VSTM1: variants seen among roughly 807,000 people sequenced by gnomAD.
The protein encoded by VSTM1 is V-set and transmembrane domain containing 1, also known as V-set and transmembrane domain-containing protein 1.
A neutral mutation model predicts 33.1 loss-of-function variants in VSTM1; 27 were observed. The ratio of observed to expected loss-of-function variants is 0.82; its 90% CI spans 0.60 to 1.12. The LOEUF (loss-of-function observed/expected upper bound fraction) is 1.12. Among genes scored for constraint, VSTM1 ranks in the 50% most tolerant of loss-of-function variants. The pLI is 0.00. For missense variants in VSTM1, 304 were observed against 288.9 expected (o/e 1.05, Z -0.38); for synonymous variants, 115 against 110.3 (o/e 1.04, Z -0.27).
At chr19:54,062,851 AC>A (rs2071463098) in intron 1 of VSTM1, among the ~76,000 whole-genome samples, 1 of 151,578 alleles carries the variant, frequency 6.6e-6, no homozygotes, top group African/African-American at 2.4e-5. Flanking sequence ...TGTCCACCGC[AC>A]CCCCCGTGCA....
chr19:54,059,852 T>G (rs1380766651), intron 1 of VSTM1, among the ~76,000 whole-genome samples: 1 of 150,050 alleles, frequency 6.7e-6, no homozygotes, highest in African/African-American at 2.4e-5. Flanking sequence ...GTTTTTTTTT[T>G]TTTTTTATTT....
intron 4 of VSTM1, among the ~76,000 whole-genome samples, chr19:54,046,030 C>T (rs1467459415): frequency 1.3e-5 from 2 of 152,008 alleles, no homozygotes; most frequent in Non-Finnish European, 2.9e-5. Flanking sequence ...TATCTATCTA[C>T]TTACTTATCT....
At position 54,040,908 on chromosome 19, in the gene VSTM1, T is replaced by C. The variant is rs2070219266; in HGVS notation, c.*53A>G. On this transcript the variant is annotated 3_prime_UTR_variant, in exon 9 of 9. Coordinates refer to ENST00000338372, the MANE Select transcript of VSTM1 (RefSeq NM_198481.4). The stretch of plus-strand genomic sequence containing the variant: ...AGTATCTGCATCTCCAGATTTCCGA[T>C]AACCTTGGCCAGCACGATCCCCCCT... 2 of 1,577,088 alleles carry C rather than the reference T, an allele frequency of 1.3e-6. No homozygotes were observed. Among genetic ancestry groups the C allele is most frequent in the African/African-American group, 1.4e-5 (1 of 72,180 alleles).
rs869203085 is a variant in VSTM1 at position 54,056,214 on chromosome 19, C to CTTTTTTTTTTTTTTTTTT, written c.355+2074_355+2091dup. Among the ~76,000 whole-genome samples, 20 of 39,182 alleles carry CTTTTTTTTTTTTTTTTTT rather than the reference C, an allele frequency of 5.1e-4. 1 individual carries two copies. Among genetic ancestry groups the CTTTTTTTTTTTTTTTTTT allele is most frequent in the African/African-American group, 1.6e-3 (16 of 10,278 alleles). The allele number at this position is 39,182 out of a possible 152,430, so 25.7% of individuals were successfully genotyped here. A position where few individuals can be genotyped will look rare whatever the true frequency, so the allele number is the denominator to read the frequency against. On this transcript the variant is annotated intron_variant, in intron 3 of 8. Transcript: ENST00000338372. ...TTCTTTCTTTCTTTTCTTTTCTTTT[C>CTTTTTTTTTTTTTTTTTT]TTTTTTTTTTTTTTTTTTTTTTTTT...
At chr19:54,061,979 A>C (rs2071415488) in intron 1 of VSTM1, among the ~76,000 whole-genome samples, 1 of 152,126 alleles carries the variant, frequency 6.6e-6, no homozygotes, top group African/African-American at 2.4e-5. Flanking sequence ...AACGTGGTGA[A>C]ACCCTGTCTC....
At chr19:54,052,219 A>G (rs2070879353) in intron 3 of VSTM1, among the ~76,000 whole-genome samples, 1 of 150,346 alleles carries the variant, frequency 6.7e-6, no homozygotes, top group South Asian at 2.1e-4. Context: ...TAACATGGTG[A>G]AACCCCGTCT....
rs572294865 is a variant in VSTM1, at chr19:54,052,515, A to T, written c.356-1067T>A. On this transcript the variant is annotated intron_variant, in intron 3 of 8. Coordinates refer to ENST00000338372, the MANE Select transcript of VSTM1 (RefSeq NM_198481.4). ...TTTTTAGACTACACATATGAGTGAG[A>T]TCCTGCAGAATTTGTCTTTCTGAGT... Among the ~76,000 whole-genome samples, 139 of 142,650 alleles carry T rather than the reference A, an allele frequency of 9.7e-4. 26 individuals are homozygous for T. Among genetic ancestry groups the T allele is most frequent in the Non-Finnish European group, 1.5e-3 (95 of 64,490 alleles). 93.6% of individuals were successfully genotyped at this position (142,650 alleles called of 152,430 possible). A position where few individuals can be genotyped will look rare whatever the true frequency, so the allele number is the denominator to read the frequency against.
In VSTM1 at chr19:54,063,823, T is replaced by C. The variant is rs1170796789; in HGVS notation, c.-46A>G. 6.2e-7 allele frequency: 1 copy of C among 1,611,058 alleles called. No individual in the cohort carries two copies. The highest frequency in any genetic ancestry group is 8.5e-7 in the Non-Finnish European group (1 of 1,178,482). ...CAAGGCCCCGCCTTGGGTTTTACCC[T>C]TCAAAGGCGGAGCGGGACTGGGCCG... On this transcript the variant is annotated 5_prime_UTR_variant, in exon 1 of 9. Coordinates refer to ENST00000338372, the MANE Select transcript of VSTM1 (RefSeq NM_198481.4).
intron 4 of VSTM1, among the ~76,000 whole-genome samples, chr19:54,043,732 G>A (rs1480308881): frequency 1.3e-5 from 2 of 152,092 alleles, no homozygotes; most frequent in African/African-American, 4.8e-5. Context: ...TGTTCTATTG[G>A]TTCTGTTTTT....
intron 1 of VSTM1, among the ~76,000 whole-genome samples, chr19:54,060,311 T>C (rs1438512099): frequency 6.6e-6 from 1 of 152,142 alleles, no homozygotes; most frequent in African/African-American, 2.4e-5. Flanking sequence ...GCTGGGAAGG[T>C]AGCGTCTTAA....
intron 4 of VSTM1, among the ~76,000 whole-genome samples, chr19:54,043,785 C>T (rs1375258268): frequency 4.6e-5 from 7 of 152,266 alleles, no homozygotes; most frequent in Admixed American, 3.9e-4. Flanking sequence ...CAGCTCTTAA[C>T]TTCAAACATA....
In VSTM1 at chr19:54,055,940, C is replaced by T. The variant is rs1013046818; in HGVS notation, c.355+2366G>A. ...CATTTGATGCTTTAACATCTTGGGG[C>T]CTTGCTGCCCTTGGTGGGACCTCCC... On this transcript the variant is annotated intron_variant, in intron 3 of 8. Transcript: ENST00000338372. The T allele has an allele frequency of 2.1e-5, 3 of 141,638 alleles. 1 individual carries two copies. Among genetic ancestry groups the T allele is most frequent in the African/African-American group, 7.8e-5 (3 of 38,346 alleles). 8.8% of individuals were successfully genotyped at this position (141,638 alleles called of 1,614,324 possible). A position where few individuals can be genotyped will look rare whatever the true frequency, so the allele number is the denominator to read the frequency against.
chr19:54,062,925 G>A (rs571008681), intron 1 of VSTM1, among the ~76,000 whole-genome samples: 1 of 152,094 alleles, frequency 6.6e-6, no homozygotes, highest in Non-Finnish European at 1.5e-5. Context: ...GAGTTTCTAT[G>A]TAGTAAAGCC....
In VSTM1 at chr19:54,042,503, C is replaced by T. The variant is rs189501991; in HGVS notation, c.395-134G>A. On this transcript the variant is annotated intron_variant, in intron 4 of 8. Coordinates refer to ENST00000338372, the MANE Select transcript of VSTM1 (RefSeq NM_198481.4). ...TGGATCTCCCACCTCGGAGCTGGAA[C>T]TTCCTATTGCTTTGGGGAATTTCCT... 1.2e-3 allele frequency: 1,536 copies of T among 1,304,772 alleles called. 11 individuals are homozygous for T. In the African/African-American group the frequency reaches 0.017, roughly 15 times the overall value. 80.8% of individuals were successfully genotyped at this position (1,304,772 alleles called of 1,614,324 possible).
At chr19:54,051,342 C>T in intron 4 of VSTM1, 68 bp downstream of exon 4, 3 of 1,272,066 alleles carry the variant, frequency 2.4e-6, no homozygotes, top group Non-Finnish European at 3.3e-6. Flanking sequence ...TCTCCTTGTG[C>T]ACTTTAAGCA....
At chr19:54,062,849 G>A (rs901437558) in intron 1 of VSTM1, among the ~76,000 whole-genome samples, 12 of 152,110 alleles carry the variant, frequency 7.9e-5, no homozygotes, top group African/African-American at 2.7e-4. Context: ...GATGTCCACC[G>A]CACCCCCCGT....
intron 1 of VSTM1, among the ~76,000 whole-genome samples, chr19:54,063,406 A>G (rs1052921715): frequency 3.9e-5 from 6 of 152,154 alleles, no homozygotes; most frequent in Admixed American, 2.0e-4. Flanking sequence ...CTTTTTGCCC[A>G]CAGCCTTGCA....
intron 1 of VSTM1, among the ~76,000 whole-genome samples, chr19:54,063,512 C>A (rs1460297162): frequency 6.6e-6 from 1 of 152,158 alleles, no homozygotes; most frequent in Non-Finnish European, 1.5e-5. Flanking sequence ...GACCCCACAG[C>A]AGCTCTGCCT....
intron 4 of VSTM1, among the ~76,000 whole-genome samples, chr19:54,043,565 T>C (rs944538934): frequency 6.6e-5 from 10 of 152,020 alleles, no homozygotes; most frequent in African/African-American, 2.4e-4. Context: ...GTGCCCACCA[T>C]CACGCCCGGC....
Sources: gnomAD v4.1 joint callset for allele counts (sites outside exome capture counted in the v4.1 genomes callset) on GRCh38, gnomAD v4.1.1 for gene constraint, MANE v1.5 for transcripts, NCBI Gene and HGNC (gene_info 2026-07-23, HGNC 2026-07-21) for gene names.